Variants in CHEK1 observed in about 807,000 individuals in gnomAD.
CHEK1 encodes serine/threonine-protein kinase Chk1.
A neutral mutation model predicts 60.2 loss-of-function variants in CHEK1; 32 were observed. That is an observed-to-expected ratio of 0.53 (90% CI 0.40 to 0.71). The LOEUF (loss-of-function observed/expected upper bound fraction) is 0.71. Among genes scored for constraint, CHEK1 ranks in the 30% least tolerant of loss-of-function variants. The pLI, the probability that CHEK1 is intolerant of heterozygous loss-of-function variation, is 0.00. For synonymous variants in CHEK1, 179 were observed against 187.2 expected (o/e 0.96, Z 0.36); for missense variants, 399 against 564.6 (o/e 0.71, Z 2.97).
Position 125,656,967 on chromosome 11 carries a change from A to G in CHEK1, c.*1647A>G, listed in dbSNP as rs1941919651. 5.0e-6 allele frequency: 1 copy of G among 198,054 alleles called. No individual in the cohort carries two copies. Among genetic ancestry groups the G allele is most frequent in the Non-Finnish European group, 1.0e-5 (1 of 95,866 alleles). The allele number at this position is 198,054 out of a possible 1,614,324, so 12.3% of individuals were successfully genotyped here. Reference sequence around the variant, plus strand: ...AAGACACTGATAATAAGTACCTTTTAGAGTTATTTTAATCTTTAATGCTTT... The same window carrying G: ...AAGACACTGATAATAAGTACCTTTTGGAGTTATTTTAATCTTTAATGCTTT... On this transcript the variant is annotated 3_prime_UTR_variant, in exon 13 of 13. Coordinates refer to ENST00000438015, the MANE Select transcript of CHEK1 (RefSeq NM_001114122.3).
downstream of CHEK1, among the ~76,000 whole-genome samples, chr11:125,679,894 T>A (rs1427513728): frequency 6.6e-6 from 1 of 152,250 alleles, no homozygotes; most frequent in East Asian, 1.9e-4. Flanking sequence ...ACTTATTACA[T>A]AAATACTATC....
chr11:125,674,345 T>G (rs1264778346), intron 13 of CHEK1, among the ~76,000 whole-genome samples: 2 of 152,182 alleles, frequency 1.3e-5, no homozygotes, highest in Non-Finnish European at 2.9e-5. Context: ...ATCAAGGAAA[T>G]TCTTAGGAAG....
rs1396925199 is a variant in CHEK1, at chr11:125,633,069, CCA to C, written c.425-93_425-92del. ...GAAGTTCTACAAACCTTAAGTAACA[CCA>C]GTGATTTTTTTTCAGTAAAACTTAA... On this transcript the variant is annotated intron_variant, in intron 5 of 12. Coordinates refer to ENST00000438015, the MANE Select transcript of CHEK1 (RefSeq NM_001114122.3). The C allele has an allele frequency of 8.2e-6, 9 of 1,098,402 alleles. No individual in the cohort carries two copies. In the Admixed American group the frequency reaches 1.6e-4, roughly 20 times the overall value. 68.0% of individuals were successfully genotyped at this position (1,098,402 alleles called of 1,614,324 possible). A position where few individuals can be genotyped will look rare whatever the true frequency, so the allele number is the denominator to read the frequency against.
chr11:125,662,399 A>C (rs1942033815), intron 13 of CHEK1, among the ~76,000 whole-genome samples: 1 of 152,212 alleles, frequency 6.6e-6, no homozygotes, highest in South Asian at 2.1e-4. Flanking sequence ...CCCATTTCCC[A>C]ATACTATCAC....
rs547331218 is a variant in CHEK1 at position 125,638,638 on chromosome 11, T to G, written c.814+1094T>G. Among the ~76,000 whole-genome samples, 3 of 152,284 alleles carry G rather than the reference T, an allele frequency of 2.0e-5. No individual in the cohort carries two copies. The South Asian group carries it at 6.2e-4, about 32-fold the overall frequency. ...GAAGCGGTAGGTGTTTTCTTTCCCA[T>G]ACCCTCATGTCCTTTGATCTGGACA... On this transcript the variant is annotated intron_variant, in intron 8 of 12. Transcript: ENST00000438015.
intron 13 of CHEK1, among the ~76,000 whole-genome samples, chr11:125,665,225 G>GT (rs71279470): frequency 0.14 from 16,794 of 120,360 alleles, 1,161 homozygotes; most frequent in Non-Finnish European, 0.19. Context: ...CTCCAGCTTT[G>GT]TTTTTTTTTT....
At chr11:125,626,448 G>A (rs1940614269) in intron 1 of CHEK1, 1 of 451,762 alleles carries the variant, frequency 2.2e-6, no homozygotes, top group Non-Finnish European at 4.0e-6. Flanking sequence ...TTCCCCAGTC[G>A]TTCGCCGGAA....
intron 11 of CHEK1, among the ~76,000 whole-genome samples, chr11:125,647,316 C>T (rs1941540123): frequency 6.6e-6 from 1 of 151,546 alleles, no homozygotes; most frequent in Non-Finnish European, 1.5e-5. Context: ...GGGTTTATTT[C>T]TGGAATCTCA....
intron 13 of CHEK1, among the ~76,000 whole-genome samples, chr11:125,669,401 T>C (rs1168414873): frequency 1.3e-5 from 2 of 152,226 alleles, no homozygotes; most frequent in African/African-American, 2.4e-5. Flanking sequence ...TCAACATTTG[T>C]ATCAGTGTTC....
intron 13 of CHEK1, among the ~76,000 whole-genome samples, chr11:125,666,038 A>AT (rs1343970848): frequency 2.0e-5 from 3 of 149,644 alleles, no homozygotes; most frequent in African/African-American, 4.9e-5. Flanking sequence ...TTTGGATTTG[A>AT]TTTTTTTAAA....
At chr11:125,673,236 G>C (rs1159711869) in intron 13 of CHEK1, among the ~76,000 whole-genome samples, 1 of 143,808 alleles carries the variant, frequency 7.0e-6, no homozygotes, top group African/African-American at 2.6e-5. Context: ...AGACAATCTC[G>C]CTCTGTTGCC....
At chr11:125,672,811 C>A in intron 13 of CHEK1, 1 of 1,460,856 alleles carries the variant, frequency 6.8e-7, no homozygotes, top group South Asian at 1.4e-5. Context: ...GCAGGATGGT[C>A]AAGACCTCCA....
At chr11:125,677,772 T>G (rs17141381), downstream of CHEK1, 8 of 1,611,038 alleles carry the variant, frequency 5.0e-6, 1 homozygote, top group South Asian at 3.3e-5. Flanking sequence ...AGTCAATGAC[T>G]GGCACCCATC....
chr11:125,638,347 A>G (rs1223743097), intron 8 of CHEK1, among the ~76,000 whole-genome samples: 4 of 152,122 alleles, frequency 2.6e-5, no homozygotes, highest in Non-Finnish European at 5.9e-5. Flanking sequence ...GGTTAGGGCA[A>G]TGGTATTGGA....
chr11:125,625,205 A>C lies in CHEK1; in HGVS notation c.-828A>C, dbSNP rs1940532836. 4.4e-6 allele frequency: 1 copy of C among 227,444 alleles called. No homozygotes were observed. Among genetic ancestry groups the C allele is most frequent in the African/African-American group, 2.2e-5 (1 of 45,008 alleles). 14.1% of individuals were successfully genotyped at this position (227,444 alleles called of 1,614,324 possible). A position where few individuals can be genotyped will look rare whatever the true frequency, so the allele number is the denominator to read the frequency against. On this transcript the variant is annotated 5_prime_UTR_variant, in exon 1 of 13. Transcript: ENST00000438015. ...GTTCTTTGCACATTAAAAATGAAAA[A>C]GTTTGTAGAACTAAGCTAAGCAGAT...
chr11:125,626,287 G>T, intron 1 of CHEK1: 1 of 502,204 alleles, frequency 2.0e-6, no homozygotes, highest in African/African-American at 1.9e-5. Context: ...GTTTGGCCCC[G>T]CCCCGGCCTT....
At chr11:125,635,168 A>G (rs1485182838) in intron 6 of CHEK1, among the ~76,000 whole-genome samples, 1 of 152,062 alleles carries the variant, frequency 6.6e-6, no homozygotes, top group Non-Finnish European at 1.5e-5. Context: ...TATGTTGCCC[A>G]GGCTGGTCTT....
intron 8 of CHEK1, 48 bp downstream of exon 8, chr11:125,637,592 G>A: frequency 7.4e-7 from 1 of 1,355,460 alleles, no homozygotes; most frequent in South Asian, 1.3e-5. Flanking sequence ...TGGAAGAAAA[G>A]GTAATTGCAA....
In CHEK1 at chr11:125,625,364, CCA is replaced by C. The variant is rs1396933606; in HGVS notation, c.-661_-660del. 7.1e-5 allele frequency: 18 copies of C among 253,598 alleles called. No individual in the cohort carries two copies. The highest frequency in any genetic ancestry group is 1.2e-4 in the Non-Finnish European group (16 of 131,208). The allele number at this position is 253,598 out of a possible 1,614,324, so 15.7% of individuals were successfully genotyped here. A position where few individuals can be genotyped will look rare whatever the true frequency, so the allele number is the denominator to read the frequency against. ...CGCTTTCTCCGGGAAACTTGCCCCGCCACACACACTTGACTGCGTGGCCAGTT... is the reference window on the plus strand; with the variant it reads ...CGCTTTCTCCGGGAAACTTGCCCCGCCACACACTTGACTGCGTGGCCAGTT... On this transcript the variant is annotated 5_prime_UTR_variant, in exon 1 of 13. It introduces an in-frame stop codon into an upstream open reading frame of the 5' UTR. Transcript: ENST00000438015.
Sources: allele counts gnomAD v4.1 joint callset (sites outside exome capture counted in the v4.1 genomes callset), GRCh38; gene constraint gnomAD v4.1.1; transcripts MANE v1.5; gene names NCBI Gene and HGNC (gene_info 2026-07-23, HGNC 2026-07-21).